PALM2AKAP2: variants seen among roughly 807,000 people sequenced by gnomAD.
PALM2AKAP2 encodes PALM2 and AKAP2 fusion, also known as PALM2-AKAP2 fusion protein.
In PALM2AKAP2, 37 loss-of-function variants were observed where a neutral mutation model predicts 71.5. The observed-to-expected ratio is 0.52, with a 90% confidence interval of 0.40 to 0.68. The LOEUF (loss-of-function observed/expected upper bound fraction) is 0.68. Ranked by LOEUF, PALM2AKAP2 falls within the 30% of genes least tolerant of loss-of-function variation. The pLI is 0.00. For synonymous variants in PALM2AKAP2, 468 were observed against 478.8 expected, an observed-to-expected ratio of 0.98 and a Z score of 0.29; for missense variants, 1,224 against 1,191.8, an observed-to-expected ratio of 1.03 and a Z score of -0.40.
intron 1 of PALM2AKAP2, among the ~76,000 whole-genome samples, chr9:109,691,879 C>CAT (rs1203455785): frequency 7.9e-5 from 4 of 50,498 alleles, no homozygotes; most frequent in East Asian, 7.3e-4. Context: ...CACACACACA[C>CAT]ACATATATAT....
intron 1 of PALM2AKAP2, among the ~76,000 whole-genome samples, chr9:109,651,395 T>C (rs1356062709): frequency 6.6e-6 from 1 of 152,212 alleles, no homozygotes; most frequent in Admixed American, 6.5e-5. Flanking sequence ...ATGGCTCCCT[T>C]ATCACTTTGT....
intron 1 of PALM2AKAP2, among the ~76,000 whole-genome samples, chr9:109,711,353 G>T (rs1362432419): frequency 6.6e-6 from 1 of 152,160 alleles, no homozygotes; most frequent in South Asian, 2.1e-4. Flanking sequence ...AGAAGATTTT[G>T]ATGGTTCATA....
At chr9:109,829,785 CTTA>C (rs1828249174) in intron 1 of PALM2AKAP2, among the ~76,000 whole-genome samples, 1 of 151,934 alleles carries the variant, frequency 6.6e-6, no homozygotes, top group African/African-American at 2.4e-5. Flanking sequence ...ACCCTGTTCA[CTTA>C]TTAAAAAATC....
intron 7 of PALM2AKAP2, among the ~76,000 whole-genome samples, chr9:110,022,971 C>T (rs1329438336): frequency 4.6e-5 from 7 of 152,080 alleles, no homozygotes; most frequent in African/African-American, 1.7e-4. Flanking sequence ...CTTAATCCAG[C>T]CTATCGTTGT....
At chr9:109,867,556 G>C (rs746673932) in exon 2 of PALM2AKAP2, 2 of 1,612,578 alleles carry the variant, frequency 1.2e-6, no homozygotes, top group Non-Finnish European at 1.7e-6. Flanking sequence ...AGATACTTCT[G>C]CTGCAGCATT....
At chr9:109,866,534 G>A (rs1257183077) in intron 1 of PALM2AKAP2, among the ~76,000 whole-genome samples, 1 of 152,058 alleles carries the variant, frequency 6.6e-6, no homozygotes, top group African/African-American at 2.4e-5. Context: ...AATATGAAGG[G>A]TACACTCTAA....
intron 2 of PALM2AKAP2, among the ~76,000 whole-genome samples, chr9:110,143,943 G>C (rs76277968): frequency 0.014 from 2,175 of 152,314 alleles, 24 homozygotes; most frequent in Non-Finnish European, 0.021. Flanking sequence ...GCTGCTGTCT[G>C]TTTAGATAAG....
At chr9:109,746,540 A>G (rs908194260) in intron 1 of PALM2AKAP2, among the ~76,000 whole-genome samples, 1 of 152,190 alleles carries the variant, frequency 6.6e-6, no homozygotes, top group South Asian at 2.1e-4. Context: ...AGAAATAAAT[A>G]TATTTATTAT....
chr9:109,680,741 A>T (rs1827714842), intron 1 of PALM2AKAP2, among the ~76,000 whole-genome samples: 1 of 152,246 alleles, frequency 6.6e-6, no homozygotes. Flanking sequence ...AGTTATTTTA[A>T]CATATCTACA....
At chr9:109,989,052 A>T (rs1379902058) in intron 6 of PALM2AKAP2, among the ~76,000 whole-genome samples, 4 of 151,898 alleles carry the variant, frequency 2.6e-5, no homozygotes, top group Non-Finnish European at 5.9e-5. Context: ...AGTCCATTAA[A>T]CCTCTTTTCC....
chr9:110,111,846 T>G (rs1328910758), intron 1 of PALM2AKAP2, among the ~76,000 whole-genome samples: 2 of 152,156 alleles, frequency 1.3e-5, no homozygotes, highest in South Asian at 4.1e-4. Flanking sequence ...CTTCTAGCAT[T>G]GCACAGCTTG....
In PALM2AKAP2 at chr9:109,842,481, A is replaced by T. The variant is rs867252026; in HGVS notation, c.46-25010A>T. ...GTGAGGCGGGTACGCAGAATACATT[A>T]TCCAGCTTAAACTCAACAAACCCTG... On this transcript the variant is annotated intron_variant, in intron 1 of 9. Coordinates refer to the PALM2AKAP2 transcript ENST00000302798. Among the ~76,000 whole-genome samples the T allele has an allele frequency of 7.2e-5, 11 of 152,316 alleles. No homozygotes were observed. In the Middle Eastern group the frequency reaches 0.01, roughly 141 times the overall value.
chr9:109,856,617 G>A, intron 1 of PALM2AKAP2, among the ~76,000 whole-genome samples: 1 of 152,130 alleles, frequency 6.6e-6, no homozygotes. Context: ...TGGATGGTGT[G>A]AATTTTTCTA....
rs569909294 is a variant in PALM2AKAP2 at position 109,685,532 on chromosome 9, ACTATACT to A, written c.5+44670_5+44676del. Among the ~76,000 whole-genome samples the A allele has an allele frequency of 3.5e-4, 54 of 152,306 alleles. 1 individual carries two copies. Among genetic ancestry groups the A allele is most frequent in the African/African-American group, 1.3e-3 (52 of 41,564 alleles). Reference sequence around the variant, plus strand: ...TTATAGTATACTATACTGTAACTACACTATACTCTAAAGACTATAGTCTTTTAAGTGT... The same window carrying A: ...TTATAGTATACTATACTGTAACTACACTAAAGACTATAGTCTTTTAAGTGT... On this transcript the variant is annotated intron_variant, in intron 1 of 6. Coordinates refer to the PALM2AKAP2 transcript ENST00000374531.
chr9:109,857,242 C>T (rs1042018741), intron 1 of PALM2AKAP2, among the ~76,000 whole-genome samples: 1 of 152,224 alleles, frequency 6.6e-6, no homozygotes, highest in African/African-American at 2.4e-5. Context: ...AAATTGAGAA[C>T]CTTCCCAACT....
At chr9:109,806,509 A>G (rs753463229) in intron 1 of PALM2AKAP2, among the ~76,000 whole-genome samples, 3 of 152,244 alleles carry the variant, frequency 2.0e-5, no homozygotes, top group Non-Finnish European at 4.4e-5. Flanking sequence ...TATTGAATAT[A>G]TACTATGTTT....
intron 7 of PALM2AKAP2, among the ~76,000 whole-genome samples, chr9:110,016,389 C>T (rs1385175743): frequency 6.6e-6 from 1 of 152,158 alleles, no homozygotes; most frequent in African/African-American, 2.4e-5. Context: ...CCAGTGGGCA[C>T]AGTGGAGCAA....
chr9:110,157,149 A>G (rs1836477942), intron 3 of PALM2AKAP2, among the ~76,000 whole-genome samples: 1 of 152,196 alleles, frequency 6.6e-6, no homozygotes, highest in Admixed American at 6.5e-5. Context: ...GGTTAGAGAC[A>G]TAGGAACTGT....
At chr9:109,709,232 A>C (rs114262755) in intron 1 of PALM2AKAP2, among the ~76,000 whole-genome samples, 260 of 152,222 alleles carry the variant, frequency 1.7e-3, no homozygotes, top group African/African-American at 6.0e-3. Context: ...TAACTTTGGG[A>C]CCTGACTGTG....
Sources: allele counts gnomAD v4.1 joint callset (sites outside exome capture counted in the v4.1 genomes callset), GRCh38; gene constraint gnomAD v4.1.1; transcripts MANE v1.5; gene names NCBI Gene and HGNC (gene_info 2026-07-23, HGNC 2026-07-21).